Variants in IGDCC4 observed in about 807,000 individuals in gnomAD.
IGDCC4 encodes the protein immunoglobulin superfamily DCC subclass member 4.
Under a neutral mutation model 116.6 loss-of-function variants are expected in IGDCC4, and 72 were observed. The observed-to-expected ratio is 0.62, with a 90% confidence interval of 0.51 to 0.75. The LOEUF (loss-of-function observed/expected upper bound fraction) is 0.75. IGDCC4 is among the 30% of genes least tolerant of loss of function. IGDCC4 has a pLI of 0.00. For missense variants in IGDCC4, 1,501 were observed against 1,662.4 expected (o/e 0.90, Z 1.69); for synonymous variants, 709 against 719.9 (o/e 0.98, Z 0.24).
At chr15:65,413,962 C>T (rs1048941680) in intron 1 of IGDCC4, among the ~76,000 whole-genome samples, 2 of 152,208 alleles carry the variant, frequency 1.3e-5, no homozygotes, top group Non-Finnish European at 2.9e-5. Flanking sequence ...TGATTATTCA[C>T]GACATGGACA....
chr15:65,422,457 C>G (rs1426398263), intron 1 of IGDCC4, among the ~76,000 whole-genome samples: 2 of 151,522 alleles, frequency 1.3e-5, no homozygotes, highest in Non-Finnish European at 2.9e-5. Context: ...CCGCAGCTAC[C>G]CGCCCCGCCG....
chr15:65,418,112 T>C (rs572167931), intron 1 of IGDCC4, among the ~76,000 whole-genome samples: 1 of 152,286 alleles, frequency 6.6e-6, no homozygotes, highest in South Asian at 2.1e-4. Flanking sequence ...AGTTTCCTTA[T>C]CTGTAAAAAC....
chr15:65,395,948 A>T lies in IGDCC4; in HGVS notation c.1213T>A (p.Cys405Ser). Residue 405 changes from cysteine to serine, a missense_variant, in exon 7 of 20, where the codon TGC becomes AGC. Transcript: ENST00000352385. ...IGLQDAGYYQ[C>S]VAENSAGMAC... ...ATTCCCGCGCTGTTCTCAGCCACGC[A>T]CTGGTAGTAGCCGGCGTCCTGCAGG... The T allele has an allele frequency of 6.3e-7, 1 of 1,588,908 alleles. No homozygotes were observed. Among genetic ancestry groups the T allele is most frequent in the Non-Finnish European group, 8.5e-7 (1 of 1,174,950 alleles).
Position 65,388,860 on chromosome 15 carries a change from G to A in IGDCC4, c.2655C>T (p.Tyr885=), listed in dbSNP as rs769695767. The A allele has an allele frequency of 1.2e-6, 2 of 1,613,966 alleles. No individual in the cohort carries two copies. Among genetic ancestry groups the A allele is most frequent in the Non-Finnish European group, 1.7e-6 (2 of 1,180,044 alleles). Residue 885 remains tyrosine (Y), a synonymous_variant, in exon 15 of 20, where the codon TAC becomes TAT. Coordinates refer to ENST00000352385, the MANE Select transcript of IGDCC4 (RefSeq NM_020962.3). ...GCTCAGGCTGCGTGTGGTTGCTGCT[G>A]TACAGGATCAGATACTCCACGATCT... is the stretch of plus-strand genomic sequence containing the variant. ...NGEIVEYLIL[Y]SSNHTQPEHQ... is the part of the protein sequence containing the mutation.
At position 65,421,903 on chromosome 15, in the gene IGDCC4, C is replaced by A. The variant is rs1178241109; in HGVS notation, c.70+890G>T. ...CACACACCCTTGGGGACTTCGCTAT[C>A]CCCTCCCCAGCCCTTTCTCCAGCTT... On this transcript the variant is annotated intron_variant, in intron 1 of 19. Coordinates refer to ENST00000352385, the MANE Select transcript of IGDCC4 (RefSeq NM_020962.3). Among the ~76,000 whole-genome samples, 3 of 152,064 alleles carry A rather than the reference C, an allele frequency of 2.0e-5. No homozygotes were observed. The East Asian group carries it at 5.8e-4, about 29-fold the overall frequency.
chr15:65,401,073 T>C (rs992805827), intron 4 of IGDCC4, 127 bp from the exon 5 acceptor site: 8 of 1,214,160 alleles, frequency 6.6e-6, no homozygotes, highest in Non-Finnish European at 8.2e-6. Flanking sequence ...ATCTGTCAGA[T>C]GGGGGACGTA....
In IGDCC4 at chr15:65,414,223, G is replaced by C. The variant is rs546641248; in HGVS notation, c.71-2853C>G. ...GGAGGCCAGGGCCTGGGATTGCAGT[G>C]TGAAGGGCGGACGGAGAGACAGGAC... is the stretch of plus-strand genomic sequence containing the variant. On this transcript the variant is annotated intron_variant, in intron 1 of 19. Transcript: ENST00000352385. Among the ~76,000 whole-genome samples, 6 of 152,370 alleles carry C rather than the reference G, an allele frequency of 3.9e-5. No individual in the cohort carries two copies. The East Asian group carries it at 1.2e-3, about 29-fold the overall frequency.
intron 7 of IGDCC4, among the ~76,000 whole-genome samples, 173 bp downstream of exon 7, chr15:65,395,577 T>G (rs967986403): frequency 6.6e-6 from 1 of 152,130 alleles, no homozygotes; most frequent in Non-Finnish European, 1.5e-5. Context: ...CAGCGCCAGT[T>G]GCCTAATCCA....
chr15:65,392,675 A>T (rs1487239533), intron 10 of IGDCC4, among the ~76,000 whole-genome samples: 1 of 152,128 alleles, frequency 6.6e-6, no homozygotes, highest in African/African-American at 2.4e-5. Flanking sequence ...GGCTGATAGC[A>T]CCTGGCACAG....
chr15:65,398,478 A>G (rs982635346), intron 5 of IGDCC4, among the ~76,000 whole-genome samples: 3 of 148,300 alleles, frequency 2.0e-5, no homozygotes, highest in Non-Finnish European at 4.5e-5. Flanking sequence ...AGGTTGCAGT[A>G]AGCCAAGATC....
At chr15:65,392,018 A>C (rs756730006) in intron 11 of IGDCC4, 37 bp from the exon 12 acceptor site, 2 of 1,571,518 alleles carry the variant, frequency 1.3e-6, no homozygotes, top group Non-Finnish European at 1.7e-6. Flanking sequence ...CTAGGGGGAC[A>C]TCTGGGGTCA....
chr15:65,389,246 A>G (rs1007103316), intron 14 of IGDCC4, 38 bp downstream of exon 14: 16 of 1,603,526 alleles, frequency 1.0e-5, no homozygotes, highest in Non-Finnish European at 1.4e-5. Context: ...GAGTTGGGCA[A>G]AAGATGGGTT....
intron 6 of IGDCC4, 151 bp from the exon 7 acceptor site, chr15:65,396,314 C>T (rs2062926861): frequency 1.2e-6 from 1 of 848,610 alleles, no homozygotes; most frequent in Non-Finnish European, 1.9e-6. Context: ...CCAAACTACT[C>T]CGGCTCAGCG....
At chr15:65,398,855 A>C (rs1257369799) in intron 5 of IGDCC4, among the ~76,000 whole-genome samples, 1 of 152,166 alleles carries the variant, frequency 6.6e-6, no homozygotes, top group East Asian at 1.9e-4. Context: ...GCGCCACTGC[A>C]CTCCAGCCCG....
At chr15:65,394,921 T>C (rs545171362) in intron 8 of IGDCC4, among the ~76,000 whole-genome samples, 173 bp downstream of exon 8, 2 of 152,234 alleles carry the variant, frequency 1.3e-5, no homozygotes, top group East Asian at 3.9e-4. Context: ...TTTCTGGGCC[T>C]CAGTTTCCCC....
In IGDCC4 at chr15:65,384,493, G is replaced by A; in HGVS notation, c.3343-74C>T. On this transcript the variant is annotated intron_variant, in intron 19 of 19. Coordinates refer to ENST00000352385, the MANE Select transcript of IGDCC4 (RefSeq NM_020962.3). The surrounding 1 kb of genome is among the most constrained non-coding windows in gnomAD (Gnocchi z 4.9). ...ATCATCAGAATGACCAGCGTACGTG[G>A]GGCAGAAAGTCTGACCCTCCATCAG... is the stretch of plus-strand genomic sequence containing the variant. The A allele has an allele frequency of 7.1e-7, 1 of 1,406,044 alleles. No individual in the cohort carries two copies. The highest frequency in any genetic ancestry group is 9.4e-7 in the Non-Finnish European group (1 of 1,061,324). The allele number at this position is 1,406,044 out of a possible 1,614,324, so 87.1% of individuals were successfully genotyped here.
chr15:65,393,397 G>A lies in IGDCC4; in HGVS notation c.1849C>T (p.His617Tyr). The A allele has an allele frequency of 6.2e-7, 1 of 1,613,376 alleles. No homozygotes were observed. Among genetic ancestry groups the A allele is most frequent in the Non-Finnish European group, 8.5e-7 (1 of 1,179,702 alleles). The change falls in exon 10 of 20, where the codon CAT becomes TAT. Residue 617 changes from histidine (H) to tyrosine (Y), a missense_variant. His to Tyr is a moderately conservative substitution (Grantham distance 83, BLOSUM62 2). Transcript: ENST00000352385. This position sits in a 1 kb window ranked among gnomAD's most constrained non-coding sequence, Gnocchi z 4.6. The stretch of plus-strand genomic sequence containing the variant: ...TTGTGCATACTGGGCGTCCTGTGAT[G>A]CATCCACTGGGAGGGGGCCCCGAAG... Reference protein sequence around the residue: ...AGFGAPSQWMHHRTPSMHNQS... With the variant: ...AGFGAPSQWMYHRTPSMHNQS...
chr15:65,387,154 G>A (rs2091468171), intron 16 of IGDCC4, among the ~76,000 whole-genome samples: 1 of 151,600 alleles, frequency 6.6e-6, no homozygotes, highest in Non-Finnish European at 1.5e-5. Context: ...AGCCTCCCAA[G>A]CAGCTGTGAC....
At chr15:65,410,825 C>A in intron 2 of IGDCC4, 195 bp downstream of exon 2, 1 of 587,428 alleles carries the variant, frequency 1.7e-6, no homozygotes, top group Non-Finnish European at 3.0e-6. Context: ...GGAGAAGAAG[C>A]GGGAAGATTA....
Sources: gnomAD v4.1 joint callset for allele counts (sites outside exome capture counted in the v4.1 genomes callset) on GRCh38, gnomAD v4.1.1 for gene constraint, Gnocchi (gnomAD v3.1) non-coding constraint, MANE v1.5 for transcripts, NCBI Gene and HGNC (gene_info 2026-07-23, HGNC 2026-07-21) for gene names.